Variants in VPS8 observed in about 807,000 individuals in gnomAD.
VPS8 encodes the protein vacuolar protein sorting-associated protein 8 homolog.
A neutral mutation model predicts 216.4 loss-of-function variants in VPS8; 129 were observed. The ratio of observed to expected loss-of-function variants is 0.60; its 90% CI spans 0.52 to 0.69. VPS8 has a LOEUF of 0.69. Among genes scored for constraint, VPS8 ranks in the 30% least tolerant of loss-of-function variants. VPS8 has a pLI of 0.00. For synonymous variants in VPS8, 571 were observed against 565.4 expected, an observed-to-expected ratio of 1.01 and a Z score of -0.14; for missense variants, 1,531 against 1,683.5, an observed-to-expected ratio of 0.91 and a Z score of 1.59.
chr3:185,050,577 G>A (rs567058890), intron 47 of VPS8, among the ~76,000 whole-genome samples: 3 of 152,344 alleles, frequency 2.0e-5, no homozygotes, highest in African/African-American at 4.8e-5. Flanking sequence ...GGTGCCTGGC[G>A]GGTGAATCCC....
intron 25 of VPS8, among the ~76,000 whole-genome samples, chr3:184,909,631 A>G (rs1578194306): frequency 6.6e-6 from 1 of 151,522 alleles, no homozygotes; most frequent in Non-Finnish European, 1.5e-5. Context: ...CTCTGCTGCA[A>G]CTCTTCATTT....
chr3:184,862,573 T>G (rs1726572412), intron 15 of VPS8, among the ~76,000 whole-genome samples: 1 of 152,220 alleles, frequency 6.6e-6, no homozygotes. Flanking sequence ...AATGCAGAGT[T>G]TGTCATGATA....
At chr3:185,037,848 T>A (rs997565063) in intron 46 of VPS8, among the ~76,000 whole-genome samples, 1 of 152,210 alleles carries the variant, frequency 6.6e-6, no homozygotes, top group African/African-American at 2.4e-5. Context: ...CTATTTGATG[T>A]TATATTGTCA....
Position 184,983,078 on chromosome 3 carries a change from T to C in VPS8, c.3569T>C (p.Leu1190Ser). ...MAAFIALPSILQRILQDPVYG... is the reference protein window; with the variant it reads ...MAAFIALPSISQRILQDPVYG... ...GCATTTATTGCCCTTCCATCAATCTTGCAAAGAATCTTACAGGTGAGTTAA... is the reference window on the plus strand; with the variant it reads ...GCATTTATTGCCCTTCCATCAATCTCGCAAAGAATCTTACAGGTGAGTTAA... Residue 1190 changes from leucine (L) to serine (S), a missense_variant, in exon 42 of 48, where the codon TTG (leucine) becomes TCG (serine). Physicochemically the swap from Leu to Ser is moderately radical, Grantham distance 145. Transcript: ENST00000625842. The C allele has an allele frequency of 6.2e-7, 1 of 1,608,480 alleles. No homozygotes were observed. The highest frequency in any genetic ancestry group is 1.7e-5 in the Admixed American group (1 of 59,692).
intron 34 of VPS8, among the ~76,000 whole-genome samples, chr3:184,935,045 G>C (rs1257294677): frequency 1.3e-5 from 2 of 152,000 alleles, no homozygotes; most frequent in East Asian, 3.9e-4. Context: ...AATCAAATCA[G>C]GGTCAGACAC....
At chr3:184,955,265 C>T (rs1426582022) in intron 36 of VPS8, among the ~76,000 whole-genome samples, 1 of 152,180 alleles carries the variant, frequency 6.6e-6, no homozygotes, top group Non-Finnish European at 1.5e-5. Context: ...CTTTCATGTT[C>T]CTCCCGTACT....
In VPS8 at chr3:184,870,703, GTT is replaced by G; in HGVS notation, c.1645-10_1645-9del. On this transcript the variant is annotated splice_polypyrimidine_tract_variant and intron_variant, in intron 20 of 47. Coordinates refer to ENST00000625842, the MANE Select transcript of VPS8 (RefSeq NM_001009921.3). ...TATATTTTAATGTCTATGCCAGGCT[GTT>G]TTCCTTACAGATGGTAGAAATCCTA... 1 of 1,603,734 alleles carries G rather than the reference GTT, an allele frequency of 6.2e-7. No individual in the cohort carries two copies. The highest frequency in any genetic ancestry group is 8.5e-7 in the Non-Finnish European group (1 of 1,173,578).
Position 184,824,664 on chromosome 3 carries a change from AAC to A in VPS8, c.34_35del (p.Gln12GlufsTer13). ...AATGAACCAGACCATGAAAATGTGGAACAGAGCCTCTGTGCCAAGACGAGCGA... is the reference window on the plus strand; with the variant it reads ...AATGAACCAGACCATGAAAATGTGGAAGAGCCTCTGTGCCAAGACGAGCGA... On this transcript the variant is annotated frameshift_variant, in exon 2 of 48. Transcript: ENST00000625842. LOFTEE classifies it high-confidence loss of function. 6.2e-7 allele frequency: 1 copy of A among 1,613,984 alleles called. No homozygotes were observed. The highest frequency in any genetic ancestry group is 8.5e-7 in the Non-Finnish European group (1 of 1,179,872).
intron 1 of VPS8, chr3:184,812,713 GGACTGGCGCGCCCGCTCCCCC>G (rs899766232): frequency 1.2e-4 from 19 of 152,278 alleles, no homozygotes; most frequent in African/African-American, 4.6e-4. Flanking sequence ...TTAGGCTGAG[GGACTGGCGCGCCCGCTCCCCC>G]GACTGTGAGC....
chr3:184,974,215 T>C (rs1319019772), intron 40 of VPS8, among the ~76,000 whole-genome samples: 1 of 152,156 alleles, frequency 6.6e-6, no homozygotes, highest in East Asian at 1.9e-4. Flanking sequence ...AAGACTCATC[T>C]CTGATCTTTT....
Position 185,008,228 on chromosome 3 carries a change from A to T in VPS8, c.4002+8367A>T, listed in dbSNP as rs528152157. ...AATATAAATGCAGCATTTTGAGGAG[A>T]CTTTTGCCCATTTTCCAATAATCTT... On this transcript the variant is annotated intron_variant, in intron 45 of 47. Transcript: ENST00000625842. Among the ~76,000 whole-genome samples, 38 of 152,262 alleles carry T rather than the reference A, an allele frequency of 2.5e-4. No homozygotes were observed. In the Middle Eastern group the frequency reaches 0.01, roughly 41 times the overall value.
At chr3:184,880,705 T>C (rs1447445545) in intron 21 of VPS8, among the ~76,000 whole-genome samples, 1 of 152,232 alleles carries the variant, frequency 6.6e-6, no homozygotes, top group Non-Finnish European at 1.5e-5. Context: ...TTGGATCATA[T>C]GATAGTTGAA....
At chr3:184,964,603 C>G (rs1487944961) in intron 38 of VPS8, 46 bp downstream of exon 38, 3 of 1,236,788 alleles carry the variant, frequency 2.4e-6, no homozygotes, top group Non-Finnish European at 3.3e-6. Context: ...GTCTATTCCT[C>G]TATTCATTCA....
At chr3:184,922,775 G>T (rs1468953308) in intron 29 of VPS8, among the ~76,000 whole-genome samples, 3 of 133,638 alleles carry the variant, frequency 2.2e-5, no homozygotes, top group Non-Finnish European at 4.8e-5. Flanking sequence ...GTTATCATGT[G>T]TGCTGAATGG....
chr3:184,935,124 TC>T lies in VPS8; in HGVS notation c.2899-1120del, dbSNP rs1741369794. On this transcript the variant is annotated intron_variant, in intron 34 of 47. Transcript: ENST00000625842. ...AGGATGATCTCTTGATCCCAGGACTTCCAGACCAGCCTGGGCAACATAGCAA... is the reference window on the plus strand; with the variant it reads ...AGGATGATCTCTTGATCCCAGGACTTCAGACCAGCCTGGGCAACATAGCAA... Among the ~76,000 whole-genome samples, 5 of 152,076 alleles carry T rather than the reference TC, an allele frequency of 3.3e-5. No homozygotes were observed. The South Asian group carries it at 1.0e-3, about 32-fold the overall frequency.
intron 1 of VPS8, chr3:184,816,176 TACCTC>T (rs1245644850): frequency 6.6e-6 from 1 of 152,216 alleles, no homozygotes; most frequent in Admixed American, 6.5e-5. Flanking sequence ...TTTCACTTAT[TACCTC>T]ACACACATAT....
chr3:184,888,069 G>C (rs538096995), intron 22 of VPS8, among the ~76,000 whole-genome samples: 107 of 151,162 alleles, frequency 7.1e-4, no homozygotes, highest in African/African-American at 2.5e-3. Flanking sequence ...CTCACTGCAA[G>C]CTCTGCCTCC....
chr3:184,993,353 TG>T, intron 42 of VPS8, among the ~76,000 whole-genome samples: 1 of 152,146 alleles, frequency 6.6e-6, no homozygotes, highest in South Asian at 2.1e-4. Flanking sequence ...TTTTGTTTTT[TG>T]TTTTTTGGGT....
chr3:184,855,661 C>G, intron 13 of VPS8, 50 bp from the exon 14 acceptor site: 1 of 1,398,818 alleles, frequency 7.1e-7, no homozygotes. Context: ...TTCTCTTTGT[C>G]CCCTTGTTTA....
Sources: allele counts gnomAD v4.1 joint callset (sites outside exome capture counted in the v4.1 genomes callset), GRCh38; gene constraint gnomAD v4.1.1; transcripts MANE v1.5; gene names NCBI Gene and HGNC (gene_info 2026-07-23, HGNC 2026-07-21).